Variants in CRPPA observed in about 807,000 individuals in gnomAD.
CRPPA encodes CDP-L-ribitol pyrophosphorylase A.
Under a neutral mutation model 52.0 loss-of-function variants are expected in CRPPA, and 43 were observed. The observed-to-expected ratio is 0.83, with a 90% CI of 0.65 to 1.07. CRPPA has a LOEUF of 1.07. CRPPA is among the 50% of genes least tolerant of loss of function. The probability of loss-of-function intolerance (pLI) is 0.00; values close to 1 mark genes in which losing one functional copy is unlikely to be tolerated. For synonymous variants in CRPPA, 250 were observed against 203.5 expected (o/e 1.23, Z -1.94); for missense variants, 629 against 551.7 (o/e 1.14, Z -1.40).
chr7:16,384,393 C>T lies in CRPPA; in HGVS notation c.535-8152G>A, dbSNP rs373573903. ...ACAGTCAGTTTACCAGTGAAAGCCACGGGAAAACAAAGCCAACAAAAGCTC... is the reference window on the plus strand; with the variant it reads ...ACAGTCAGTTTACCAGTGAAAGCCATGGGAAAACAAAGCCAACAAAAGCTC... On this transcript the variant is annotated intron_variant, in intron 2 of 9. Transcript: ENST00000407010. Among the ~76,000 whole-genome samples the T allele has an allele frequency of 3.2e-4, 48 of 152,236 alleles. No homozygotes were observed. In the South Asian group the frequency reaches 8.9e-3, roughly 28 times the overall value.
At position 16,126,241 on chromosome 7, in the gene CRPPA, C is replaced by T. The variant is rs17169274; in HGVS notation, c.1252-34442G>A. On this transcript the variant is annotated intron_variant, in intron 9 of 9. Transcript: ENST00000407010. Reference sequence around the variant, plus strand: ...CCTACCTGCATTAAAGAACTGGCAACAAGTATGTTTATCTACTGTCTAATG... The same window carrying T: ...CCTACCTGCATTAAAGAACTGGCAATAAGTATGTTTATCTACTGTCTAATG... Among the ~76,000 whole-genome samples, 331 of 152,152 alleles carry T rather than the reference C, an allele frequency of 2.2e-3. No individual in the cohort carries two copies. In the East Asian group the frequency reaches 0.028, roughly 13 times the overall value.
intron 3 of CRPPA, among the ~76,000 whole-genome samples, chr7:16,323,629 A>G (rs1490019800): frequency 1.3e-5 from 2 of 152,216 alleles, no homozygotes; most frequent in African/African-American, 4.8e-5. Flanking sequence ...ATAATTTGTC[A>G]GTAAGCCACT....
intron 6 of CRPPA, among the ~76,000 whole-genome samples, chr7:16,272,314 T>A (rs1423805444): frequency 6.6e-6 from 1 of 152,224 alleles, no homozygotes; most frequent in Non-Finnish European, 1.5e-5. Context: ...ATCATTAAAG[T>A]TAGATGTTTG....
Position 16,214,591 on chromosome 7 carries a change from G to A in CRPPA, c.1251+1475C>T, listed in dbSNP as rs548675330. Among the ~76,000 whole-genome samples, 112 of 151,922 alleles carry A rather than the reference G, an allele frequency of 7.4e-4. 3 individuals are homozygous for A. The South Asian group carries it at 0.018, about 25-fold the overall frequency. The stretch of plus-strand genomic sequence containing the variant: ...TCTGCTCACTGCAACCTCCGCCTCC[G>A]CCTCCCAGATTCAAGTGATTCTCCC... On this transcript the variant is annotated intron_variant, in intron 9 of 9. Transcript: ENST00000407010.
At chr7:16,343,006 A>T (rs2704679) in intron 3 of CRPPA, among the ~76,000 whole-genome samples, 1 of 151,002 alleles carries the variant, frequency 6.6e-6, no homozygotes, top group Non-Finnish European at 1.5e-5. Context: ...TGCCACTGCA[A>T]TCCAGCCTGA....
At chr7:16,154,865 T>G (rs899805241) in intron 9 of CRPPA, among the ~76,000 whole-genome samples, 1 of 151,346 alleles carries the variant, frequency 6.6e-6, no homozygotes, top group Non-Finnish European at 1.5e-5. Flanking sequence ...TGGAGCGCAG[T>G]GGCACAATCT....
At chr7:16,226,477 A>T (rs930986253) in intron 8 of CRPPA, among the ~76,000 whole-genome samples, 20 of 151,908 alleles carry the variant, frequency 1.3e-4, no homozygotes, top group Non-Finnish European at 2.5e-4. Context: ...GTGATAGAGC[A>T]GACCCAATTC....
At chr7:16,187,911 A>C (rs774854384) in intron 9 of CRPPA, among the ~76,000 whole-genome samples, 5 of 152,118 alleles carry the variant, frequency 3.3e-5, no homozygotes, top group Non-Finnish European at 5.9e-5. Context: ...ATGATGAATA[A>C]AACATCCTTA....
At chr7:16,153,128 C>T (rs1414760283) in intron 9 of CRPPA, among the ~76,000 whole-genome samples, 2 of 151,994 alleles carry the variant, frequency 1.3e-5, no homozygotes, top group African/African-American at 4.8e-5. Flanking sequence ...TTACATAAAA[C>T]TAACAATGCC....
At chr7:16,348,137 C>A (rs747173019) in intron 3 of CRPPA, among the ~76,000 whole-genome samples, 1 of 152,178 alleles carries the variant, frequency 6.6e-6, no homozygotes, top group Non-Finnish European at 1.5e-5. Flanking sequence ...GCAACCTGAG[C>A]AGCAGATCAG....
intron 2 of CRPPA, among the ~76,000 whole-genome samples, chr7:16,400,320 C>T (rs1370346897): frequency 6.6e-6 from 1 of 152,180 alleles, no homozygotes; most frequent in African/African-American, 2.4e-5. Flanking sequence ...TGACACTTGA[C>T]CAACACCTGA....
chr7:16,369,913 G>A (rs1368964822), intron 3 of CRPPA, among the ~76,000 whole-genome samples: 2 of 152,216 alleles, frequency 1.3e-5, no homozygotes, highest in African/African-American at 4.8e-5. Flanking sequence ...GAGGGGGAAA[G>A]TCTGCCTCCA....
intron 8 of CRPPA, among the ~76,000 whole-genome samples, chr7:16,227,597 T>A (rs1384776950): frequency 4.0e-5 from 6 of 151,870 alleles, no homozygotes; most frequent in African/African-American, 1.2e-4. Flanking sequence ...AGAGCCAAGT[T>A]TTTTTACATA....
intron 8 of CRPPA, among the ~76,000 whole-genome samples, chr7:16,234,917 A>C (rs535480324): frequency 6.6e-6 from 1 of 152,224 alleles, no homozygotes; most frequent in Admixed American, 6.5e-5. Context: ...CTCATGCAGG[A>C]AACACATCTA....
intron 3 of CRPPA, among the ~76,000 whole-genome samples, chr7:16,350,174 G>T (rs926136958): frequency 2.0e-5 from 3 of 151,772 alleles, no homozygotes; most frequent in African/African-American, 7.3e-5. Flanking sequence ...AAAATGAAGA[G>T]GTAATAAAGA....
chr7:16,229,745 G>A (rs777203405), intron 8 of CRPPA, among the ~76,000 whole-genome samples: 1 of 151,960 alleles, frequency 6.6e-6, no homozygotes, highest in Non-Finnish European at 1.5e-5. Context: ...ATTTTCAAAT[G>A]TTTTCATATT....
intron 3 of CRPPA, among the ~76,000 whole-genome samples, chr7:16,310,314 C>T (rs907944962): frequency 6.6e-6 from 1 of 152,104 alleles, no homozygotes; most frequent in Non-Finnish European, 1.5e-5. Context: ...TATCAGAGAT[C>T]CCCCAAAAAG....
intron 9 of CRPPA, among the ~76,000 whole-genome samples, chr7:16,106,906 A>G (rs1782163792): frequency 6.6e-6 from 1 of 152,166 alleles, no homozygotes; most frequent in African/African-American, 2.4e-5. Flanking sequence ...TTTGGAAAAC[A>G]AAGACTTGAC....
At chr7:16,141,196 C>A (rs553044971) in intron 9 of CRPPA, among the ~76,000 whole-genome samples, 1 of 152,218 alleles carries the variant, frequency 6.6e-6, no homozygotes, top group East Asian at 1.9e-4. Flanking sequence ...TCTATGGCTG[C>A]TTTATCACTG....
Sources: allele counts gnomAD v4.1 joint callset (sites outside exome capture counted in the v4.1 genomes callset), GRCh38; gene constraint gnomAD v4.1.1; transcripts MANE v1.5; gene names NCBI Gene and HGNC (gene_info 2026-07-23, HGNC 2026-07-21).